The following ADAMTS17 variants were observed in gnomAD, a reference collection of about 807,000 sequenced individuals.
ADAMTS17 encodes A disintegrin and metalloproteinase with thrombospondin motifs 17.
Under a neutral mutation model 141.5 loss-of-function variants are expected in ADAMTS17, and 113 were observed. The ratio of observed to expected loss-of-function variants is 0.80; its 90% CI spans 0.69 to 0.93. The LOEUF is 0.93. Ranked by LOEUF, ADAMTS17 falls within the 40% of genes least tolerant of loss-of-function variation. ADAMTS17 has a pLI of 0.00. For missense variants in ADAMTS17, 1,659 were observed against 1,517.9 expected (o/e 1.09, Z -1.54); for synonymous variants, 768 against 630.6 (o/e 1.22, Z -3.27).
At position 99,973,155 on chromosome 15, in the gene ADAMTS17, CA is replaced by C. The variant is rs1244738941; in HGVS notation, c.*1246del. On this transcript the variant is annotated 3_prime_UTR_variant, in exon 22 of 22. Coordinates refer to ENST00000268070, the MANE Select transcript of ADAMTS17 (RefSeq NM_139057.4). Reference sequence around the variant, plus strand: ...TCTGCTGCCAGGCGTAAGGGGGCTGCAGGGGGGAAGGACCTTCCTTCATCAT... The same window carrying C: ...TCTGCTGCCAGGCGTAAGGGGGCTGCGGGGGGAAGGACCTTCCTTCATCAT... The C allele has an allele frequency of 2.2e-5, 2 of 92,914 alleles. No homozygotes were observed. The highest frequency in any genetic ancestry group is 7.7e-5 in the African/African-American group (2 of 26,126). 5.8% of individuals were successfully genotyped at this position (92,914 alleles called of 1,614,324 possible).
chr15:100,040,144 C>T (rs1269118752), intron 18 of ADAMTS17, among the ~76,000 whole-genome samples: 1 of 152,162 alleles, frequency 6.6e-6, no homozygotes, highest in Non-Finnish European at 1.5e-5. Context: ...AGTCAGCCAG[C>T]AGAGGAGTCC....
chr15:100,092,642 G>C (rs867556702), intron 15 of ADAMTS17, among the ~76,000 whole-genome samples: 3 of 152,282 alleles, frequency 2.0e-5, no homozygotes, highest in African/African-American at 7.2e-5. Flanking sequence ...ACTACACAGA[G>C]CATGGAACCT....
chr15:100,102,352 T>C (rs1251037638), intron 14 of ADAMTS17, among the ~76,000 whole-genome samples: 1 of 131,138 alleles, frequency 7.6e-6, no homozygotes, highest in Admixed American at 7.6e-5. Context: ...GGGATCTACA[T>C]TTGAGGGCCA....
At chr15:100,050,969 C>A (rs773316493) in intron 17 of ADAMTS17, among the ~76,000 whole-genome samples, 1 of 152,328 alleles carries the variant, frequency 6.6e-6, no homozygotes, top group African/African-American at 2.4e-5. Flanking sequence ...TCTTGCTGTA[C>A]GACAGGCTCT....
At chr15:100,100,621 G>A (rs1382730131) in intron 14 of ADAMTS17, among the ~76,000 whole-genome samples, 1 of 151,840 alleles carries the variant, frequency 6.6e-6, no homozygotes, top group Non-Finnish European at 1.5e-5. Flanking sequence ...GTGAGCTTGG[G>A]TTTTTTGTGC....
intron 8 of ADAMTS17, among the ~76,000 whole-genome samples, chr15:100,173,353 C>A (rs893480860): frequency 5.3e-5 from 8 of 152,086 alleles, no homozygotes; most frequent in Admixed American, 1.3e-4. Flanking sequence ...CAGGAGGTTG[C>A]CTTGAGAGAG....
At chr15:100,050,141 G>A (rs895259259) in intron 17 of ADAMTS17, among the ~76,000 whole-genome samples, 4 of 152,142 alleles carry the variant, frequency 2.6e-5, no homozygotes, top group Non-Finnish European at 5.9e-5. Flanking sequence ...CCTCGCATGA[G>A]TACAGAAAGC....
At chr15:100,225,633 A>G (rs1379880561) in intron 7 of ADAMTS17, among the ~76,000 whole-genome samples, 1 of 140,554 alleles carries the variant, frequency 7.1e-6, no homozygotes, top group Non-Finnish European at 1.5e-5. Flanking sequence ...TCTCTGTGCC[A>G]TTCAGTCCTT....
At chr15:100,185,423 C>T (rs951926672) in intron 8 of ADAMTS17, among the ~76,000 whole-genome samples, 1 of 152,162 alleles carries the variant, frequency 6.6e-6, no homozygotes, top group African/African-American at 2.4e-5. Context: ...CTTTTGCCCC[C>T]CATGTTGACC....
chr15:100,055,490 A>G (rs933757119), intron 15 of ADAMTS17, among the ~76,000 whole-genome samples: 4 of 152,152 alleles, frequency 2.6e-5, no homozygotes, highest in Non-Finnish European at 4.4e-5. Context: ...CTCGTGTTAG[A>G]GGGACTGCCA....
At chr15:100,217,596 C>G (rs2042008665) in intron 7 of ADAMTS17, among the ~76,000 whole-genome samples, 1 of 152,154 alleles carries the variant, frequency 6.6e-6, no homozygotes, top group Non-Finnish European at 1.5e-5. Context: ...CAAGACTCTT[C>G]TCAAAAACAA....
At chr15:100,036,135 C>CA (rs1436263069) in intron 18 of ADAMTS17, among the ~76,000 whole-genome samples, 2 of 152,166 alleles carry the variant, frequency 1.3e-5, no homozygotes, top group Non-Finnish European at 1.5e-5. Context: ...GCTTCTTTGT[C>CA]AGAGTCTTTG....
chr15:99,977,350 A>ATG (rs2060359753), intron 20 of ADAMTS17, among the ~76,000 whole-genome samples: 2 of 794 alleles, frequency 2.5e-3, no homozygotes, highest in South Asian at 0.1. Context: ...CCTCCTCTTC[A>ATG]TATATATATA....
At chr15:100,133,127 A>T (rs2141244765) in intron 11 of ADAMTS17, 87 bp downstream of exon 11, 1 of 1,300,972 alleles carries the variant, frequency 7.7e-7, no homozygotes, top group East Asian at 2.5e-5. Context: ...GCTCCTAAGT[A>T]GAGTACAGAT....
intron 15 of ADAMTS17, among the ~76,000 whole-genome samples, chr15:100,076,431 G>A (rs1308993025): frequency 6.6e-6 from 1 of 152,050 alleles, no homozygotes; most frequent in African/African-American, 2.4e-5. Flanking sequence ...TCTTTTCCTT[G>A]GTAAGATTTT....
chr15:100,313,680 C>A (rs1335010323), intron 3 of ADAMTS17, among the ~76,000 whole-genome samples: 1 of 152,222 alleles, frequency 6.6e-6, no homozygotes, highest in Non-Finnish European at 1.5e-5. Context: ...ATGCACTGAG[C>A]AGAACACAAC....
chr15:100,114,580 C>A (rs773312313), intron 13 of ADAMTS17, among the ~76,000 whole-genome samples: 1 of 152,178 alleles, frequency 6.6e-6, no homozygotes, highest in African/African-American at 2.4e-5. Flanking sequence ...AAGCCCCGAG[C>A]GTGGGGTCTC....
intron 8 of ADAMTS17, among the ~76,000 whole-genome samples, chr15:100,157,616 G>A (rs550932103): frequency 6.6e-6 from 1 of 152,286 alleles, no homozygotes; most frequent in South Asian, 2.1e-4. Context: ...AGAAACTGGT[G>A]CAAAGCGAGC....
At chr15:100,078,911 A>G (rs571525250) in intron 15 of ADAMTS17, among the ~76,000 whole-genome samples, 1 of 152,374 alleles carries the variant, frequency 6.6e-6, no homozygotes, top group South Asian at 2.1e-4. Flanking sequence ...AAGGATTTTA[A>G]CAGGCACTTC....
Sources: allele counts gnomAD v4.1 joint callset (sites outside exome capture counted in the v4.1 genomes callset), GRCh38; gene constraint gnomAD v4.1.1; transcripts MANE v1.5; gene names NCBI Gene and HGNC (gene_info 2026-07-23, HGNC 2026-07-21).